The following C1QTNF3 variants were observed in gnomAD, a reference collection of about 807,000 sequenced individuals.
C1QTNF3 encodes the protein C1q and TNF related 3.
In C1QTNF3, 26 loss-of-function variants were observed where a neutral mutation model predicts 32.6. The observed-to-expected ratio is 0.80, with a 90% CI of 0.58 to 1.11. C1QTNF3 has a LOEUF of 1.11. Ranked by LOEUF, C1QTNF3 falls within the 50% of genes least tolerant of loss-of-function variation. The probability of loss-of-function intolerance (pLI) is 0.00; values close to 1 mark genes in which losing one functional copy is unlikely to be tolerated. For synonymous variants in C1QTNF3, 155 were observed against 146.0 expected (o/e 1.06, Z -0.44); for missense variants, 362 against 398.2 (o/e 0.91, Z 0.77).
the C1QTNF3 span, among the ~76,000 whole-genome samples, chr5:34,089,351 G>T: frequency 6.6e-6 from 1 of 151,982 alleles, no homozygotes; most frequent in Non-Finnish European, 1.5e-5. Context: ...GATTCCCAAG[G>T]TATCAGGTAT....
the C1QTNF3 span, among the ~76,000 whole-genome samples, chr5:34,210,548 T>C: frequency 1.1e-4 from 16 of 151,922 alleles, no homozygotes; most frequent in Non-Finnish European, 1.9e-4. Flanking sequence ...AATAATCTTT[T>C]ATTGGAGTTA....
the C1QTNF3 span, among the ~76,000 whole-genome samples, chr5:34,116,927 G>T: frequency 6.6e-6 from 1 of 152,096 alleles, no homozygotes; most frequent in African/African-American, 2.4e-5. Context: ...TTCACTCCAG[G>T]TCTCACGATT....
intron 2 of C1QTNF3, among the ~76,000 whole-genome samples, chr5:34,033,941 C>A (rs887757230): frequency 6.6e-6 from 1 of 152,192 alleles, no homozygotes; most frequent in Non-Finnish European, 1.5e-5. Context: ...GTGGGAGGAT[C>A]ACTTGAGCCC....
the C1QTNF3 span, among the ~76,000 whole-genome samples, chr5:34,082,150 A>G: frequency 9.9e-5 from 15 of 151,786 alleles, 1 homozygote; most frequent in African/African-American, 3.7e-4. Context: ...AATGCAAGGA[A>G]ATAGCAGATA....
chr5:34,068,430 T>C, the C1QTNF3 span, among the ~76,000 whole-genome samples: 1 of 151,922 alleles, frequency 6.6e-6, no homozygotes. Flanking sequence ...GGATTTAACA[T>C]AAAATCAATT....
At chr5:34,162,208 C>T in the C1QTNF3 span, among the ~76,000 whole-genome samples, 3 of 152,058 alleles carry the variant, frequency 2.0e-5, no homozygotes, top group Non-Finnish European at 4.4e-5. Flanking sequence ...AATTCAAATG[C>T]ATAGCAATGG....
the C1QTNF3 span, among the ~76,000 whole-genome samples, chr5:34,136,094 G>C: frequency 3.3e-5 from 5 of 152,220 alleles, no homozygotes; most frequent in African/African-American, 7.2e-5. Flanking sequence ...CTTCATGGAA[G>C]TCCTTGAAGT....
chr5:34,160,242 A>G, the C1QTNF3 span, among the ~76,000 whole-genome samples: 2 of 152,184 alleles, frequency 1.3e-5, no homozygotes, highest in African/African-American at 4.8e-5. Context: ...TAGGCGAAGG[A>G]CAGAACACCT....
chr5:34,020,985 T>A (rs1754314169), intron 5 of C1QTNF3, among the ~76,000 whole-genome samples: 1 of 152,196 alleles, frequency 6.6e-6, no homozygotes, highest in Non-Finnish European at 1.5e-5. Flanking sequence ...ACCAGAATGA[T>A]CTTAGAAGCC....
the C1QTNF3 span, among the ~76,000 whole-genome samples, chr5:34,056,761 T>G: frequency 1.3e-5 from 2 of 152,014 alleles, no homozygotes; most frequent in Non-Finnish European, 2.9e-5. Flanking sequence ...TCCTCCCACC[T>G]GGGCCTCCCA....
chr5:34,137,622 G>A, the C1QTNF3 span, among the ~76,000 whole-genome samples: 1 of 152,202 alleles, frequency 6.6e-6, no homozygotes, highest in Non-Finnish European at 1.5e-5. Flanking sequence ...CTAAGTCTTT[G>A]AAAGACAATC....
chr5:34,035,109 C>T (rs538988534), intron 2 of C1QTNF3, among the ~76,000 whole-genome samples: 13 of 152,118 alleles, frequency 8.5e-5, no homozygotes, highest in South Asian at 2.1e-4. Context: ...AGCAGGCCCG[C>T]GGCACTCTCC....
chr5:34,244,705 C>T, the C1QTNF3 span: 1 of 152,196 alleles, frequency 6.6e-6, no homozygotes, highest in African/African-American at 2.4e-5. Flanking sequence ...GACTCAGGAG[C>T]CCAGCTGGCT....
At chr5:34,206,870 T>C in the C1QTNF3 span, among the ~76,000 whole-genome samples, 1 of 152,198 alleles carries the variant, frequency 6.6e-6, no homozygotes, top group Non-Finnish European at 1.5e-5. Context: ...CACATCTTTC[T>C]TGATGGGCAT....
the C1QTNF3 span, among the ~76,000 whole-genome samples, chr5:34,197,913 G>A: frequency 6.6e-6 from 1 of 151,982 alleles, no homozygotes; most frequent in Non-Finnish European, 1.5e-5. Context: ...GAAGGGTCAA[G>A]GACGCTTTTT....
chr5:34,128,708 A>G, the C1QTNF3 span, among the ~76,000 whole-genome samples: 1 of 151,988 alleles, frequency 6.6e-6, no homozygotes, highest in East Asian at 1.9e-4. Flanking sequence ...CTTTGTTTTG[A>G]CCAATTTCTC....
At chr5:34,021,846 A>G (rs912668674) in intron 5 of C1QTNF3, among the ~76,000 whole-genome samples, 3 of 152,212 alleles carry the variant, frequency 2.0e-5, no homozygotes, top group African/African-American at 7.2e-5. Context: ...ATGAGTTGAT[A>G]GGTGCAGCAA....
chr5:34,131,891 AC>A, the C1QTNF3 span, among the ~76,000 whole-genome samples: 5 of 152,242 alleles, frequency 3.3e-5, no homozygotes, highest in African/African-American at 1.2e-4. Flanking sequence ...ATAAATATGT[AC>A]AATTATCACA....
At chr5:34,144,624 A>C in the C1QTNF3 span, among the ~76,000 whole-genome samples, 1 of 152,242 alleles carries the variant, frequency 6.6e-6, no homozygotes, top group African/African-American at 2.4e-5. Flanking sequence ...GAATATGAAT[A>C]AAATCTCTCA....
Sources: allele counts gnomAD v4.1 joint callset (sites outside exome capture counted in the v4.1 genomes callset), GRCh38; gene constraint gnomAD v4.1.1; transcripts MANE v1.5; gene names NCBI Gene and HGNC (gene_info 2026-07-23, HGNC 2026-07-21).